The following MYB variants were observed in gnomAD, a reference collection of about 807,000 sequenced individuals.
MYB encodes the protein transcriptional activator Myb.
In MYB, 28 loss-of-function variants were observed where a neutral mutation model predicts 92.9. The observed-to-expected ratio is 0.30, with a 90% CI of 0.22 to 0.41. MYB has a LOEUF of 0.41. MYB is among the 10% of genes least tolerant of loss of function. The pLI, the probability that MYB is intolerant of heterozygous loss-of-function variation, is 1.00. For missense variants in MYB, 679 were observed against 929.3 expected (o/e 0.73, Z 3.50); for synonymous variants, 295 against 329.1 (o/e 0.90, Z 1.12).
rs1263274928 is a variant in MYB, at chr6:135,200,187, C to T, written c.1812C>T (p.Pro604=). The change falls in exon 12 of 16, where the codon CCC becomes CCT. Residue 604 remains proline (P), a synonymous_variant. Coordinates refer to ENST00000341911, the MANE Select transcript of MYB (RefSeq NM_001130173.2). ...ALAAQEIKYG[P]LKMLPQTPSH... ...CAGCTCAAGAAATTAAATACGGTCCCCTGAAGATGCTAGTAAGTTCTAGAA... is the reference window on the plus strand; with the variant it reads ...CAGCTCAAGAAATTAAATACGGTCCTCTGAAGATGCTAGTAAGTTCTAGAA... 1 of 1,613,958 alleles carries T rather than the reference C, an allele frequency of 6.2e-7. No individual in the cohort carries two copies. The highest frequency in any genetic ancestry group is 2.2e-5 in the East Asian group (1 of 44,894).
intron 15 of MYB, among the ~76,000 whole-genome samples, chr6:135,204,440 A>C (rs759126686): frequency 6.6e-6 from 1 of 152,144 alleles, no homozygotes; most frequent in Non-Finnish European, 1.5e-5. Context: ...CTGGAATTAC[A>C]GGTGTGAGCC....
chr6:135,212,817 G>A (rs1437090506), intron 15 of MYB, among the ~76,000 whole-genome samples: 1 of 152,194 alleles, frequency 6.6e-6, no homozygotes, highest in Admixed American at 6.5e-5. Context: ...AATTTGCAAA[G>A]ATATGTATGA....
chr6:135,217,750 C>CA (rs1780653545), intron 15 of MYB, 114 bp from the exon 16 acceptor site: 1 of 764,534 alleles, frequency 1.3e-6, no homozygotes, highest in Non-Finnish European at 2.3e-6. Context: ...TTCTATCTGA[C>CA]AAAGCCTTCC....
chr6:135,199,634 G>A, intron 11 of MYB: 1 of 697,292 alleles, frequency 1.4e-6, no homozygotes. Flanking sequence ...AGAAATGGTA[G>A]AGAAAGTGTG....
intron 15 of MYB, among the ~76,000 whole-genome samples, chr6:135,204,198 G>A (rs1336068180): frequency 6.6e-6 from 1 of 152,114 alleles, no homozygotes; most frequent in Non-Finnish European, 1.5e-5. Flanking sequence ...TACCTTAAAG[G>A]GATTTCCCAT....
At chr6:135,202,390 CG>C (rs1778229162) in intron 14 of MYB, 1 of 154,082 alleles carries the variant, frequency 6.5e-6, no homozygotes, top group Non-Finnish European at 1.4e-5. Flanking sequence ...TTTTTTGAGA[CG>C]GAGTTTCGCT....
intron 15 of MYB, among the ~76,000 whole-genome samples, chr6:135,212,364 TAAG>T (rs1473017569): frequency 6.7e-6 from 1 of 149,456 alleles, no homozygotes; most frequent in East Asian, 2.0e-4. Flanking sequence ...AATATAATAA[TAAG>T]AACCGTTTTT....
rs776876145 is a variant in MYB, at chr6:135,195,848, A to G, written c.1049A>G (p.Glu350Gly). The G allele has an allele frequency of 1.2e-6, 2 of 1,614,032 alleles. No individual in the cohort carries two copies. The highest frequency in any genetic ancestry group is 1.7e-5 in the Admixed American group (1 of 59,998). Residue 350 changes from glutamate (E) to glycine (G), a missense_variant, in exon 9 of 16, where the codon GAA (glutamate) becomes GGA (glycine). Physicochemically the swap from Glu to Gly is moderately conservative, Grantham distance 98 (BLOSUM62 -2). This residue lies in a region of MYB where 56 missense variants were observed against 55.8 expected (regional missense o/e 1.00). Coordinates refer to ENST00000341911, the MANE Select transcript of MYB (RefSeq NM_001130173.2). The stretch of plus-strand genomic sequence containing the variant: ...AGTGCACCTGTTTCCTGTTTGGGAG[A>G]ACACCACTCCACTCCATCTCTGCCA... Reference protein sequence around the residue: ...GDSAPVSCLGEHHSTPSLPAD... With the variant: ...GDSAPVSCLGGHHSTPSLPAD...
intron 1 of MYB, among the ~76,000 whole-genome samples, chr6:135,183,795 G>T (rs1489016918): frequency 6.6e-6 from 1 of 152,180 alleles, no homozygotes; most frequent in Non-Finnish European, 1.5e-5. Flanking sequence ...GCACATCTTT[G>T]CCTCTGTGCT....
chr6:135,217,749 A>T, intron 15 of MYB, 115 bp from the exon 16 acceptor site: 1 of 762,998 alleles, frequency 1.3e-6, no homozygotes. Flanking sequence ...ATTCTATCTG[A>T]CAAAGCCTTC....
chr6:135,201,072 G>A (rs945116531), intron 13 of MYB, among the ~76,000 whole-genome samples: 3 of 152,040 alleles, frequency 2.0e-5, no homozygotes, highest in South Asian at 4.1e-4. Context: ...GCAAGACTCC[G>A]TCTCAAAAAA....
In MYB at chr6:135,197,448, G is replaced by A. The variant is rs965637733; in HGVS notation, c.1566+125G>A. On this transcript the variant is annotated intron_variant, in intron 10 of 15. Transcript: ENST00000341911. ...CTGCCTTTGCTGATTTCATTCTGTC[G>A]TTGAATCTAGCTGTTGCTAAGTTAT... 4.4e-5 allele frequency: 42 copies of A among 946,726 alleles called. 2 individuals carry two copies. The Admixed American group carries it at 5.3e-4, about 12-fold the overall frequency. 58.6% of individuals were successfully genotyped at this position (946,726 alleles called of 1,614,324 possible). A position where few individuals can be genotyped will look rare whatever the true frequency, so the allele number is the denominator to read the frequency against.
At chr6:135,201,816 G>A in intron 14 of MYB, 67 bp downstream of exon 14, 1 of 897,498 alleles carries the variant, frequency 1.1e-6, no homozygotes, top group Non-Finnish European at 1.6e-6. Context: ...TCCTGTGTGT[G>A]GCATAGGGCT....
chr6:135,203,728 C>A, intron 15 of MYB: 1 of 1,378,592 alleles, frequency 7.3e-7, no homozygotes, highest in South Asian at 1.2e-5. Context: ...AACCAAAGCT[C>A]AGAGACTGTT....
intron 15 of MYB, chr6:135,204,028 C>G (rs1243902900): frequency 2.6e-6 from 1 of 383,816 alleles, no homozygotes; most frequent in East Asian, 1.1e-4. Flanking sequence ...CAATACCCAG[C>G]CACCTGCAGA....
At chr6:135,196,081 C>A in intron 9 of MYB, 79 bp downstream of exon 9, 1 of 1,427,552 alleles carries the variant, frequency 7.0e-7, no homozygotes, top group Non-Finnish European at 9.7e-7. Flanking sequence ...TTGCCATTTT[C>A]TATAGCCAAG....
At chr6:135,203,644 T>C in intron 15 of MYB, 1 of 1,190,316 alleles carries the variant, frequency 8.4e-7, no homozygotes, top group Non-Finnish European at 1.2e-6. Flanking sequence ...TGCCCTCAAA[T>C]GTTTTATAAA....
At position 135,195,849 on chromosome 6, in the gene MYB, A is replaced by C; in HGVS notation, c.1050A>C (p.Glu350Asp). 1 of 1,614,112 alleles carries C rather than the reference A, an allele frequency of 6.2e-7. No homozygotes were observed. The highest frequency in any genetic ancestry group is 8.5e-7 in the Non-Finnish European group (1 of 1,180,010). Reference protein sequence around the residue: ...GDSAPVSCLGEHHSTPSLPAD... With the variant: ...GDSAPVSCLGDHHSTPSLPAD... ...GTGCACCTGTTTCCTGTTTGGGAGAACACCACTCCACTCCATCTCTGCCAG... is the reference window on the plus strand; with the variant it reads ...GTGCACCTGTTTCCTGTTTGGGAGACCACCACTCCACTCCATCTCTGCCAG... The change falls in exon 9 of 16, where the codon GAA becomes GAC. Residue 350 changes from glutamate (E) to aspartate (D), a missense_variant. By Grantham distance (45) the Glu-to-Asp change is conservative (BLOSUM62 2). This residue lies in a region of MYB where 56 missense variants were observed against 55.8 expected (regional missense o/e 1.00). Coordinates refer to ENST00000341911, the MANE Select transcript of MYB (RefSeq NM_001130173.2).
chr6:135,192,447 C>T lies in MYB; in HGVS notation c.651C>T (p.Asn217=), dbSNP rs1776740490. ...QPAVATSFQK[N]SHLMGFAQAP... The stretch of plus-strand genomic sequence containing the variant: ...CAGTGGCCACAAGCTTCCAGAAGAA[C>T]AGTCATTTGATGGGTTTTGCTCAGG... The change falls in exon 6 of 16, where the codon AAC becomes AAT. Residue 217 remains asparagine, a synonymous_variant. Coordinates refer to ENST00000341911, the MANE Select transcript of MYB (RefSeq NM_001130173.2). 2 of 1,614,240 alleles carry T rather than the reference C, an allele frequency of 1.2e-6. No homozygotes were observed. The highest frequency in any genetic ancestry group is 1.7e-5 in the Admixed American group (1 of 60,020).
Sources: gnomAD v4.1 joint callset for allele counts (sites outside exome capture counted in the v4.1 genomes callset) on GRCh38, gnomAD v4.1.1 for gene constraint, gnomAD v4.1.1 regional missense constraint, MANE v1.5 for transcripts, NCBI Gene and HGNC (gene_info 2026-07-23, HGNC 2026-07-21) for gene names.